EVA1C: variants seen among roughly 807,000 people sequenced by gnomAD.
The protein encoded by EVA1C is eva-1 homolog C.
In EVA1C, 25 loss-of-function variants were observed where a neutral mutation model predicts 45.4. The ratio of observed to expected loss-of-function variants is 0.55; its 90% CI spans 0.40 to 0.77. The LOEUF (loss-of-function observed/expected upper bound fraction) is 0.77. Ranked by LOEUF, EVA1C falls within the 30% of genes least tolerant of loss-of-function variation. The pLI is 0.00. For missense variants in EVA1C, 479 were observed against 554.8 expected (o/e 0.86, Z 1.37); for synonymous variants, 190 against 221.2 (o/e 0.86, Z 1.25).
chr21:32,509,870 A>G (rs930008072), intron 7 of EVA1C, among the ~76,000 whole-genome samples: 5 of 151,552 alleles, frequency 3.3e-5, no homozygotes, highest in Non-Finnish European at 7.4e-5. Context: ...GTGTGCAGGT[A>G]TCTGATGTGT....
intron 7 of EVA1C, among the ~76,000 whole-genome samples, chr21:32,507,728 A>C (rs1355105071): frequency 1.4e-5 from 2 of 148,114 alleles, no homozygotes; most frequent in Non-Finnish European, 3.0e-5. Flanking sequence ...ATGTGTGTGC[A>C]TACGTGTATC....
At chr21:32,455,902 G>C (rs2035761587) in intron 2 of EVA1C, among the ~76,000 whole-genome samples, 1 of 151,988 alleles carries the variant, frequency 6.6e-6, no homozygotes, top group Admixed American at 6.6e-5. Flanking sequence ...TTTTTTGTTT[G>C]TTTGTTTGAG....
chr21:32,420,055 G>A (rs932820727), intron 1 of EVA1C, among the ~76,000 whole-genome samples: 32 of 152,082 alleles, frequency 2.1e-4, no homozygotes, highest in African/African-American at 7.7e-4. Context: ...CCCTTTAGTT[G>A]GCTCCCATGT....
At chr21:32,464,725 G>A (rs1319477691) in intron 3 of EVA1C, among the ~76,000 whole-genome samples, 1 of 152,312 alleles carries the variant, frequency 6.6e-6, no homozygotes, top group Middle Eastern at 3.4e-3. Context: ...AGGAGGCTGA[G>A]GCAGGAGAAT....
intron 4 of EVA1C, among the ~76,000 whole-genome samples, chr21:32,470,775 T>TTTG (rs1239854984): frequency 6.6e-6 from 1 of 151,744 alleles, no homozygotes; most frequent in Non-Finnish European, 1.5e-5. Flanking sequence ...TTTTTTTTTT[T>TTTG]TGAGATGGAG....
chr21:32,488,080 A>T (rs1030002510), intron 4 of EVA1C, among the ~76,000 whole-genome samples: 1 of 152,182 alleles, frequency 6.6e-6, no homozygotes, highest in Non-Finnish European at 1.5e-5. Context: ...AAAGGACATC[A>T]TCAGAGATTA....
chr21:32,485,127 C>A (rs563973765), intron 4 of EVA1C, among the ~76,000 whole-genome samples: 14 of 152,150 alleles, frequency 9.2e-5, no homozygotes, highest in Non-Finnish European at 1.9e-4. Context: ...TCCAAGAGGG[C>A]CACGTCTTTC....
At chr21:32,503,888 A>G (rs369111175) in intron 6 of EVA1C, 38 bp from the exon 7 acceptor site, 1 of 1,452,590 alleles carries the variant, frequency 6.9e-7, no homozygotes, top group Non-Finnish European at 9.6e-7. Context: ...TACTATGAAC[A>G]GCTGTGATTA....
chr21:32,419,129 T>C (rs1462601694), intron 1 of EVA1C, among the ~76,000 whole-genome samples: 1 of 152,214 alleles, frequency 6.6e-6, no homozygotes, highest in Non-Finnish European at 1.5e-5. Context: ...ATAATAATTA[T>C]TTTTTAAAAC....
chr21:32,465,663 A>G (rs529430700), intron 3 of EVA1C, among the ~76,000 whole-genome samples: 1 of 152,112 alleles, frequency 6.6e-6, no homozygotes, highest in South Asian at 2.1e-4. Context: ...ACGCCTGGCT[A>G]ATTTTTGTAG....
chr21:32,472,602 C>T (rs959495103), intron 4 of EVA1C, among the ~76,000 whole-genome samples: 11 of 151,874 alleles, frequency 7.2e-5, no homozygotes, highest in East Asian at 5.8e-4. Context: ...CACCTCTGCA[C>T]TCCAGCCTGG....
At chr21:32,412,607 C>T, upstream of EVA1C, 1 of 390,056 alleles carries the variant, frequency 2.6e-6, no homozygotes, top group East Asian at 3.9e-5. Flanking sequence ...GAGATTTCCT[C>T]TCGGGGAAAC....
chr21:32,509,170 C>G (rs1379663158), intron 7 of EVA1C, among the ~76,000 whole-genome samples: 1 of 152,220 alleles, frequency 6.6e-6, no homozygotes, highest in Non-Finnish European at 1.5e-5. Flanking sequence ...TTGGCTACAA[C>G]AAGAGGGGTT....
intron 1 of EVA1C, among the ~76,000 whole-genome samples, chr21:32,425,019 G>A (rs1199098912): frequency 6.6e-6 from 1 of 151,998 alleles, no homozygotes; most frequent in African/African-American, 2.4e-5. Context: ...ATTTTTAAAA[G>A]TATTTTGTAG....
At chr21:32,491,591 A>G (rs1430858717) in intron 4 of EVA1C, among the ~76,000 whole-genome samples, 2 of 149,958 alleles carry the variant, frequency 1.3e-5, no homozygotes, top group African/African-American at 4.9e-5. Context: ...GGCTGGGGCA[A>G]GAGAATTGGT....
chr21:32,475,931 A>ATCTATCTATC (rs1343358683), intron 4 of EVA1C, among the ~76,000 whole-genome samples: 33 of 130,242 alleles, frequency 2.5e-4, no homozygotes, highest in East Asian at 1.3e-3. Flanking sequence ...ATCTATCTAT[A>ATCTATCTATC]TAAACAGGAA....
intron 3 of EVA1C, among the ~76,000 whole-genome samples, chr21:32,463,334 C>T (rs1290659472): frequency 6.6e-6 from 1 of 152,218 alleles, no homozygotes; most frequent in African/African-American, 2.4e-5. Flanking sequence ...AGGCTGCCCA[C>T]ACCTTCTCTA....
Position 32,439,537 on chromosome 21 carries a change from C to T in EVA1C, c.161-13775C>T, listed in dbSNP as rs147104378. Among the ~76,000 whole-genome samples the T allele has an allele frequency of 5.3e-3, 802 of 152,334 alleles. 10 individuals are homozygous for T. Among genetic ancestry groups the T allele is most frequent in the African/African-American group, 0.018 (763 of 41,580 alleles). On this transcript the variant is annotated intron_variant, in intron 1 of 7. Transcript: ENST00000300255. ...AGGAAGAAATGCTGTGACCTTCCCT[C>T]ATTCTAAGGTGAAACCAAAGAAGGG...
intron 7 of EVA1C, among the ~76,000 whole-genome samples, chr21:32,507,811 T>G (rs1299253412): frequency 7.0e-6 from 1 of 142,304 alleles, no homozygotes; most frequent in Non-Finnish European, 1.6e-5. Context: ...TCTGTGTGCA[T>G]GTATGTATGT....
Sources: allele counts gnomAD v4.1 joint callset (sites outside exome capture counted in the v4.1 genomes callset), GRCh38; gene constraint gnomAD v4.1.1; transcripts MANE v1.5; gene names NCBI Gene and HGNC (gene_info 2026-07-23, HGNC 2026-07-21).